FAM227A: variants seen among roughly 807,000 people sequenced by gnomAD.
FAM227A encodes the protein family with sequence similarity 227 member A, also known as protein FAM227A.
Under a neutral mutation model 74.7 loss-of-function variants are expected in FAM227A, and 80 were observed. The observed-to-expected ratio is 1.07, with a 90% CI of 0.89 to 1.29. The LOEUF is 1.29. Among genes scored for constraint, FAM227A ranks in the 50% most tolerant of loss-of-function variants. FAM227A has a pLI of 0.00. For synonymous variants in FAM227A, 237 were observed against 241.8 expected, an observed-to-expected ratio of 0.98 and a Z score of 0.19; for missense variants, 654 against 683.4, an observed-to-expected ratio of 0.96 and a Z score of 0.48.
chr22:38,653,651 A>C (rs779555404), intron 1 of FAM227A, among the ~76,000 whole-genome samples: 2 of 152,160 alleles, frequency 1.3e-5, no homozygotes, highest in Non-Finnish European at 2.9e-5. Flanking sequence ...CTGGGATTAC[A>C]GGCATGAGCC....
At chr22:38,612,652 C>A (rs191955283) in intron 11 of FAM227A, among the ~76,000 whole-genome samples, 1 of 152,196 alleles carries the variant, frequency 6.6e-6, no homozygotes, top group Admixed American at 6.6e-5. Context: ...ACCACCCCTG[C>A]CTGAGATTTC....
intron 14 of FAM227A, among the ~76,000 whole-genome samples, chr22:38,597,571 C>T (rs554733861): frequency 2.0e-5 from 3 of 152,308 alleles, no homozygotes; most frequent in African/African-American, 7.2e-5. Context: ...CCATCCTATC[C>T]GTGGCCAGGC....
intron 11 of FAM227A, among the ~76,000 whole-genome samples, chr22:38,610,930 G>C (rs1176092708): frequency 2.6e-5 from 4 of 151,980 alleles, no homozygotes; most frequent in Non-Finnish European, 5.9e-5. Flanking sequence ...AGTGGTGGCA[G>C]GCACCTGTAA....
chr22:38,649,438 C>T (rs1195839520), intron 2 of FAM227A, among the ~76,000 whole-genome samples: 1 of 151,140 alleles, frequency 6.6e-6, no homozygotes, highest in Non-Finnish European at 1.5e-5. Flanking sequence ...TGGTGACAGG[C>T]GCCTGTAATC....
chr22:38,613,312 CATATAAT>C (rs1188715048), intron 11 of FAM227A, among the ~76,000 whole-genome samples: 42 of 56,520 alleles, frequency 7.4e-4, no homozygotes, highest in African/African-American at 3.7e-3. Flanking sequence ...TAATATATAA[CATATAAT>C]ATATATCATA....
intron 8 of FAM227A, among the ~76,000 whole-genome samples, chr22:38,627,702 T>A (rs2091838458): frequency 6.6e-6 from 1 of 152,114 alleles, no homozygotes; most frequent in African/African-American, 2.4e-5. Flanking sequence ...CCTCCCGGGT[T>A]CATGTGAACC....
chr22:38,586,256 C>G, intron 16 of FAM227A, 57 bp from the exon 17 acceptor site: 3 of 1,536,106 alleles, frequency 2.0e-6, no homozygotes, highest in Non-Finnish European at 2.6e-6. Context: ...GTAATTTCTT[C>G]AAAGACTTTG....
chr22:38,599,826 G>A lies in FAM227A; in HGVS notation c.1317C>T (p.Ala439=), dbSNP rs191096616. 1.0e-4 allele frequency: 155 copies of A among 1,551,498 alleles called. No homozygotes were observed. In the African/African-American group the frequency reaches 1.7e-3, roughly 17 times the overall value. The change falls in exon 14 of 17, where the codon GCC becomes GCT. Residue 439 remains alanine (A), a synonymous_variant. Transcript: ENST00000535113. The part of the protein sequence containing the change: ...PLIVYFLQNY[A]SLQQHGKNVL... ...CATTCTTGCCGTGCTGCTGCAGACT[G>A]GCATAGTTCTGGAGAAAGTACACAA...
At chr22:38,613,271 ATT>A (rs1491172375) in intron 11 of FAM227A, among the ~76,000 whole-genome samples, 1 of 86,004 alleles carries the variant, frequency 1.2e-5, no homozygotes, top group African/African-American at 4.9e-5. Flanking sequence ...TATAACATAT[ATT>A]ATATATCATA....
At chr22:38,588,756 TAAA>T (rs1490594781) in intron 16 of FAM227A, among the ~76,000 whole-genome samples, 2 of 122,534 alleles carry the variant, frequency 1.6e-5, no homozygotes, top group Non-Finnish European at 3.3e-5. Flanking sequence ...CCGTCTCTAC[TAAA>T]AATACAAAAA....
At position 38,597,331 on chromosome 22, in the gene FAM227A, C is replaced by T. The variant is rs2091068690; in HGVS notation, c.1405G>A (p.Val469Ile). ...ATGCTGCACAGGGTCTCGCTGATGA[C>T]ATCAGTATACGTTGGGGTGCAGTCA... ...TPDCTPTYTD[V>I]ISETLCSMKK... The change falls in exon 15 of 17, where the codon GTC becomes ATC. Residue 469 changes from valine to isoleucine, a missense_variant. By Grantham distance (29) the Val-to-Ile change is conservative. Coordinates refer to ENST00000535113, the MANE Select transcript of FAM227A (RefSeq NM_001013647.2). The T allele has an allele frequency of 6.4e-7, 1 of 1,551,836 alleles. No homozygotes were observed. Among genetic ancestry groups the T allele is most frequent in the African/African-American group, 1.4e-5 (1 of 73,164 alleles).
intron 11 of FAM227A, among the ~76,000 whole-genome samples, chr22:38,618,721 T>C (rs114472461): frequency 6.6e-6 from 1 of 152,142 alleles, no homozygotes; most frequent in African/African-American, 2.4e-5. Context: ...TGACTATATA[T>C]CTCCTAGACC....
At position 38,585,157 on chromosome 22, in the gene FAM227A, A is replaced by G. The variant is rs2090779388; in HGVS notation, c.*968T>C. On this transcript the variant is annotated 3_prime_UTR_variant, in exon 17 of 17. Transcript: ENST00000535113. ...TTTAAATCCTGACTTTTGCTATGGTAGGAATGAACTTTACTATTCCTTGTC... is the reference window on the plus strand; with the variant it reads ...TTTAAATCCTGACTTTTGCTATGGTGGGAATGAACTTTACTATTCCTTGTC... The G allele has an allele frequency of 6.6e-6, 1 of 152,200 alleles. No homozygotes were observed. The highest frequency in any genetic ancestry group is 2.4e-5 in the African/African-American group (1 of 41,434). 9.4% of individuals were successfully genotyped at this position (152,200 alleles called of 1,614,324 possible).
chr22:38,582,270 T>A lies in FAM227A; in HGVS notation c.*3855A>T. On this transcript the variant is annotated 3_prime_UTR_variant, in exon 17 of 17. Coordinates refer to ENST00000535113, the MANE Select transcript of FAM227A (RefSeq NM_001013647.2). Reference sequence around the variant, plus strand: ...TCCTGTTCTTCAGGAAACTGTATGTTCTAAAACATACATTTCATCATCAAT... The same window carrying A: ...TCCTGTTCTTCAGGAAACTGTATGTACTAAAACATACATTTCATCATCAAT... 7.0e-7 allele frequency: 1 copy of A among 1,435,512 alleles called. No individual in the cohort carries two copies. Among genetic ancestry groups the A allele is most frequent in the South Asian group, 1.2e-5 (1 of 80,174 alleles). The allele number at this position is 1,435,512 out of a possible 1,614,324, so 88.9% of individuals were successfully genotyped here.
At chr22:38,597,644 A>G (rs1477505057) in intron 14 of FAM227A, among the ~76,000 whole-genome samples, 1 of 152,118 alleles carries the variant, frequency 6.6e-6, no homozygotes, top group Non-Finnish European at 1.5e-5. Flanking sequence ...GCTAAGAAAT[A>G]CTTTTTTAGA....
At chr22:38,611,474 C>T (rs1243162853) in intron 11 of FAM227A, among the ~76,000 whole-genome samples, 4 of 152,116 alleles carry the variant, frequency 2.6e-5, no homozygotes, top group Admixed American at 6.6e-5. Context: ...TGGGAAAATT[C>T]TGGTTAAATT....
chr22:38,622,641 C>A (rs181289316), intron 10 of FAM227A, among the ~76,000 whole-genome samples: 1 of 152,010 alleles, frequency 6.6e-6, no homozygotes, highest in African/African-American at 2.4e-5. Context: ...TTTGGGAGGC[C>A]GAGGTGGGTA....
At chr22:38,631,170 AAAAAC>A (rs1157971665) in intron 6 of FAM227A, among the ~76,000 whole-genome samples, 9 of 152,200 alleles carry the variant, frequency 5.9e-5, no homozygotes, top group South Asian at 2.1e-4. Context: ...TCTTACTCAA[AAAAAC>A]AAAACAAAAC....
intron 14 of FAM227A, among the ~76,000 whole-genome samples, chr22:38,598,597 C>T (rs890256869): frequency 1.2e-4 from 18 of 152,200 alleles, no homozygotes; most frequent in Admixed American, 2.6e-4. Flanking sequence ...GTGCAGAAGA[C>T]GCAAAGTCCT....
Sources: allele counts gnomAD v4.1 joint callset (sites outside exome capture counted in the v4.1 genomes callset), GRCh38; gene constraint gnomAD v4.1.1; transcripts MANE v1.5; gene names NCBI Gene and HGNC (gene_info 2026-07-23, HGNC 2026-07-21).